Variants in SLC8A1 observed in about 807,000 individuals in gnomAD.
The protein encoded by SLC8A1 is solute carrier family 8 member A1, also known as sodium/calcium exchanger 1.
A neutral mutation model predicts 68.3 loss-of-function variants in SLC8A1; 18 were observed. The observed-to-expected ratio is 0.26, with a 90% CI of 0.18 to 0.39. SLC8A1 has a LOEUF of 0.39. Among genes scored for constraint, SLC8A1 ranks in the 10% least tolerant of loss-of-function variants. SLC8A1 has a pLI of 1.00. For missense variants in SLC8A1, 985 were observed against 1,156.7 expected (o/e 0.85, Z 2.15); for synonymous variants, 475 against 415.5 (o/e 1.14, Z -1.74).
At chr2:40,402,390 A>G (rs982767466) in intron 2 of SLC8A1, among the ~76,000 whole-genome samples, 2 of 152,214 alleles carry the variant, frequency 1.3e-5, no homozygotes, top group South Asian at 4.1e-4. Flanking sequence ...TTAAGAAGTA[A>G]CTGTAAGTAT....
exon 8 of SLC8A1, chr2:40,107,092 G>A (rs1239035223): frequency 1.3e-5 from 2 of 152,008 alleles, no homozygotes; most frequent in Non-Finnish European, 2.9e-5. Context: ...AACGGCAGAG[G>A]ACCCATGTGG....
chr2:40,450,925 C>T (rs1254370769), intron 1 of SLC8A1, among the ~76,000 whole-genome samples: 1 of 151,934 alleles, frequency 6.6e-6, no homozygotes, highest in East Asian at 1.9e-4. Context: ...TACAAATTGC[C>T]AGCCCAAGCC....
At chr2:40,242,409 G>T (rs1037786403) in intron 2 of SLC8A1, among the ~76,000 whole-genome samples, 1 of 152,102 alleles carries the variant, frequency 6.6e-6, no homozygotes, top group African/African-American at 2.4e-5. Flanking sequence ...TAACCTCATT[G>T]TTGTCCTGGA....
intron 2 of SLC8A1, among the ~76,000 whole-genome samples, chr2:40,266,977 A>C (rs906740858): frequency 1.3e-5 from 2 of 152,162 alleles, no homozygotes; most frequent in African/African-American, 4.8e-5. Context: ...GTACAGGTAA[A>C]TGAGGGGGTG....
intron 2 of SLC8A1, among the ~76,000 whole-genome samples, chr2:40,197,373 A>G (rs2053249076): frequency 6.6e-6 from 1 of 152,012 alleles, no homozygotes; most frequent in Admixed American, 6.6e-5. Context: ...TACGGCTGGA[A>G]ATGCAACTAG....
intron 2 of SLC8A1, among the ~76,000 whole-genome samples, chr2:40,248,380 A>G (rs548868531): frequency 1.3e-5 from 2 of 152,110 alleles, no homozygotes; most frequent in Non-Finnish European, 2.9e-5. Context: ...CTTAAGAGTG[A>G]GGTTAGTGCC....
At chr2:40,280,251 TA>T (rs67427562) in intron 2 of SLC8A1, among the ~76,000 whole-genome samples, 13 of 94,462 alleles carry the variant, frequency 1.4e-4, no homozygotes, top group African/African-American at 4.1e-4. Context: ...AAATAAACAC[TA>T]AAAAAAAAAA....
chr2:40,398,752 T>C (rs571139768), intron 2 of SLC8A1, among the ~76,000 whole-genome samples: 1 of 152,338 alleles, frequency 6.6e-6, no homozygotes, highest in African/African-American at 2.4e-5. Flanking sequence ...CCCATATTGA[T>C]ATTTAGCTTG....
intron 4 of SLC8A1, among the ~76,000 whole-genome samples, chr2:40,169,785 A>C (rs2047143830): frequency 6.6e-6 from 1 of 152,114 alleles, no homozygotes; most frequent in Non-Finnish European, 1.5e-5. Flanking sequence ...TACAAAAAGT[A>C]CAAAAAGTAG....
At chr2:40,399,046 A>C (rs1259313316) in intron 2 of SLC8A1, among the ~76,000 whole-genome samples, 1 of 152,226 alleles carries the variant, frequency 6.6e-6, no homozygotes, top group Non-Finnish European at 1.5e-5. Flanking sequence ...CAAATGAGAA[A>C]GCATCTGTCA....
chr2:40,271,171 C>T (rs1006772288), intron 2 of SLC8A1, among the ~76,000 whole-genome samples: 1 of 108,328 alleles, frequency 9.2e-6, no homozygotes, highest in African/African-American at 5.2e-5. Flanking sequence ...GACCCCCAAG[C>T]CCCCCTCATA....
chr2:40,394,776 C>A (rs915739091), intron 2 of SLC8A1, among the ~76,000 whole-genome samples: 4 of 152,052 alleles, frequency 2.6e-5, no homozygotes, highest in African/African-American at 9.6e-5. Flanking sequence ...CCCATTCCTG[C>A]CAAAAAGGAA....
rs531764136 is a variant in SLC8A1, at chr2:40,315,324, T to C, written c.1808+113149A>G. On this transcript the variant is annotated intron_variant, in intron 2 of 7. Transcript: ENST00000406785. Reference sequence around the variant, plus strand: ...TAATATGGTTAACATTTTATTATTATTAATGCTGAATTGCAAAACGTAATT... The same window carrying C: ...TAATATGGTTAACATTTTATTATTACTAATGCTGAATTGCAAAACGTAATT... Among the ~76,000 whole-genome samples, 5 of 152,050 alleles carry C rather than the reference T, an allele frequency of 3.3e-5. No homozygotes were observed. In the East Asian group the frequency reaches 7.7e-4, roughly 24 times the overall value.
chr2:40,352,135 T>C (rs759200089), intron 2 of SLC8A1, among the ~76,000 whole-genome samples: 3 of 152,188 alleles, frequency 2.0e-5, no homozygotes, highest in Non-Finnish European at 2.9e-5. Flanking sequence ...ATTTATCCAG[T>C]TTTCTTCTTT....
At chr2:40,129,960 T>C (rs1290531630) in intron 7 of SLC8A1, among the ~76,000 whole-genome samples, 2 of 152,210 alleles carry the variant, frequency 1.3e-5, no homozygotes, top group African/African-American at 4.8e-5. Context: ...GCAGGACACA[T>C]GCTGAGCATC....
chr2:40,359,860 T>C (rs569521535), intron 2 of SLC8A1, among the ~76,000 whole-genome samples: 1 of 152,046 alleles, frequency 6.6e-6, no homozygotes, highest in South Asian at 2.1e-4. Context: ...TCAGGTAGGC[T>C]TCATTAAAAA....
intron 7 of SLC8A1, among the ~76,000 whole-genome samples, chr2:40,126,997 C>G (rs767768233): frequency 3.3e-5 from 5 of 152,114 alleles, no homozygotes; most frequent in Non-Finnish European, 7.4e-5. Context: ...ATATTGCTTC[C>G]TTTGTTTTAA....
chr2:40,421,403 T>A (rs535961178), intron 2 of SLC8A1, among the ~76,000 whole-genome samples: 16 of 152,234 alleles, frequency 1.1e-4, no homozygotes, highest in Non-Finnish European at 2.2e-4. Context: ...AGGAAATTTG[T>A]CATGGAAAAA....
intron 2 of SLC8A1, among the ~76,000 whole-genome samples, chr2:40,386,895 T>C (rs922640211): frequency 2.0e-5 from 3 of 151,306 alleles, no homozygotes; most frequent in Non-Finnish European, 4.4e-5. Context: ...TCCTTGTCTA[T>C]CTTCAGTATG....
Sources: allele counts gnomAD v4.1 joint callset (sites outside exome capture counted in the v4.1 genomes callset), GRCh38; gene constraint gnomAD v4.1.1; transcripts MANE v1.5; gene names NCBI Gene and HGNC (gene_info 2026-07-23, HGNC 2026-07-21).